The following RMDN2 variants were observed in gnomAD, a reference collection of about 807,000 sequenced individuals.
The protein encoded by RMDN2 is regulator of microtubule dynamics 2.
Under a neutral mutation model 52.8 loss-of-function variants are expected in RMDN2, and 61 were observed. The ratio of observed to expected loss-of-function variants is 1.16; its 90% CI spans 0.94 to 1.43. The LOEUF (loss-of-function observed/expected upper bound fraction) is 1.43, where lower values mean the gene tolerates loss of function less well. Among genes scored for constraint, RMDN2 ranks in the 40% most tolerant of loss-of-function variants. RMDN2 has a pLI of 0.00. For missense variants in RMDN2, 592 were observed against 475.3 expected (o/e 1.25, Z -2.28); for synonymous variants, 180 against 153.1 (o/e 1.18, Z -1.30).
At chr2:38,001,263 C>T (rs1380883209) in intron 8 of RMDN2, among the ~76,000 whole-genome samples, 1 of 152,236 alleles carries the variant, frequency 6.6e-6, no homozygotes, top group Non-Finnish European at 1.5e-5. Flanking sequence ...TTCCTACCTT[C>T]AGGGAACTTG....
chr2:37,981,329 A>G lies in RMDN2; in HGVS notation c.777A>G (p.Gly259=). ...ERAINRAPMN[G]HCHLWYAVLC... ...CTATTAATAGAGCACCCATGAATGGACATTGTCATCTGTGGTAAGTGTATA... is the reference window on the plus strand; with the variant it reads ...CTATTAATAGAGCACCCATGAATGGGCATTGTCATCTGTGGTAAGTGTATA... The change falls in exon 5 of 11, where the codon GGA becomes GGG. Residue 259 remains glycine, a synonymous_variant. Transcript: ENST00000354545. The G allele has an allele frequency of 6.2e-7, 1 of 1,606,356 alleles. No individual in the cohort carries two copies. Among genetic ancestry groups the G allele is most frequent in the South Asian group, 1.1e-5 (1 of 90,914 alleles).
downstream of RMDN2, among the ~76,000 whole-genome samples, chr2:38,019,657 C>T (rs1432995205): frequency 1.3e-5 from 2 of 152,138 alleles, no homozygotes; most frequent in Non-Finnish European, 2.9e-5. Context: ...TATCTGTATT[C>T]CTCATAAAGC....
intron 10 of RMDN2, chr2:38,030,517 T>C (rs1352352583): frequency 6.6e-6 from 1 of 152,224 alleles, no homozygotes; most frequent in Admixed American, 6.5e-5. Flanking sequence ...TGATGATGTT[T>C]ATTGCTTTAG....
At chr2:37,957,161 G>A (rs1054447365) in intron 2 of RMDN2, among the ~76,000 whole-genome samples, 3 of 152,038 alleles carry the variant, frequency 2.0e-5, no homozygotes, top group Non-Finnish European at 4.4e-5. Flanking sequence ...TAATCCTTTG[G>A]GTATATATCC....
intron 10 of RMDN2, chr2:38,029,905 A>C (rs1680059338): frequency 6.6e-6 from 1 of 152,228 alleles, no homozygotes; most frequent in Non-Finnish European, 1.5e-5. Flanking sequence ...GGTGGAAGGC[A>C]AAAGGCACGT....
chr2:38,025,793 C>T (rs776939890), intron 10 of RMDN2, among the ~76,000 whole-genome samples: 1 of 151,936 alleles, frequency 6.6e-6, no homozygotes, highest in Non-Finnish European at 1.5e-5. Flanking sequence ...GCCTTGCATT[C>T]CTGGGATAAA....
At chr2:38,023,492 A>AT (rs1558566023) in intron 10 of RMDN2, among the ~76,000 whole-genome samples, 1 of 152,078 alleles carries the variant, frequency 6.6e-6, no homozygotes, top group Non-Finnish European at 1.5e-5. Context: ...TGTATCTTTT[A>AT]TTTTTTTCAT....
At chr2:37,948,848 T>C (rs149997627) in intron 2 of RMDN2, among the ~76,000 whole-genome samples, 28 of 152,274 alleles carry the variant, frequency 1.8e-4, no homozygotes, top group African/African-American at 6.3e-4. Context: ...CTGACCTCTT[T>C]ATTACCTCGA....
At chr2:37,969,041 T>G (rs1671454404) in intron 2 of RMDN2, among the ~76,000 whole-genome samples, 1 of 152,002 alleles carries the variant, frequency 6.6e-6, no homozygotes, top group African/African-American at 2.4e-5. Flanking sequence ...CAGCTGGGTT[T>G]TTTTTTTTTT....
intron 10 of RMDN2, among the ~76,000 whole-genome samples, chr2:38,059,746 C>G (rs1681968044): frequency 6.6e-6 from 1 of 152,116 alleles, no homozygotes; most frequent in African/African-American, 2.4e-5. Flanking sequence ...AAGGTGCTGA[C>G]CTCTGCAGAG....
intron 10 of RMDN2, among the ~76,000 whole-genome samples, chr2:38,023,021 G>A (rs1166474063): frequency 2.0e-5 from 3 of 152,196 alleles, no homozygotes; most frequent in Non-Finnish European, 4.4e-5. Context: ...GTCTGATGTA[G>A]AATGGGGGCT....
intron 10 of RMDN2, among the ~76,000 whole-genome samples, chr2:38,024,608 C>T (rs1679639105): frequency 6.6e-6 from 1 of 152,042 alleles, no homozygotes; most frequent in Admixed American, 6.5e-5. Context: ...AAATATTTTG[C>T]CCATTATTTA....
chr2:38,025,024 G>C (rs1573158743), intron 10 of RMDN2, among the ~76,000 whole-genome samples: 1 of 152,024 alleles, frequency 6.6e-6, no homozygotes, highest in African/African-American at 2.4e-5. Context: ...ATTTCCATGT[G>C]AATTTTAGAA....
At chr2:38,016,385 A>G (rs904005488) in intron 10 of RMDN2, among the ~76,000 whole-genome samples, 1 of 152,362 alleles carries the variant, frequency 6.6e-6, no homozygotes, top group South Asian at 2.1e-4. Flanking sequence ...AATGTAATGA[A>G]TGTAGGAAAC....
intron 6 of RMDN2, among the ~76,000 whole-genome samples, chr2:37,990,141 T>TC: frequency 7.5e-6 from 1 of 133,302 alleles, no homozygotes; most frequent in East Asian, 2.3e-4. Context: ...AGACTCCGTC[T>TC]GAAAAAAAAA....
intron 2 of RMDN2, among the ~76,000 whole-genome samples, chr2:37,967,669 C>T (rs1283248475): frequency 6.6e-6 from 1 of 152,174 alleles, no homozygotes; most frequent in Non-Finnish European, 1.5e-5. Context: ...TATTCTTCTC[C>T]ACCATGATGA....
At chr2:37,993,713 C>G (rs1675126918) in intron 7 of RMDN2, among the ~76,000 whole-genome samples, 3 of 119,786 alleles carry the variant, frequency 2.5e-5, no homozygotes, top group African/African-American at 9.8e-5. Context: ...CAGAGAGCAG[C>G]TTGAAGACTG....
intron 10 of RMDN2, among the ~76,000 whole-genome samples, chr2:38,048,797 A>C (rs998787079): frequency 1.3e-5 from 2 of 152,238 alleles, no homozygotes; most frequent in African/African-American, 4.8e-5. Context: ...GAAGGGGTGG[A>C]GATTATTAGC....
chr2:38,064,328 A>G (rs1476287918), intron 10 of RMDN2, among the ~76,000 whole-genome samples: 1 of 152,076 alleles, frequency 6.6e-6, no homozygotes, highest in Admixed American at 6.6e-5. Context: ...CGTGTCTACT[A>G]AAAATACAAA....
Sources: gnomAD v4.1 joint callset for allele counts (sites outside exome capture counted in the v4.1 genomes callset) on GRCh38, gnomAD v4.1.1 for gene constraint, MANE v1.5 for transcripts, NCBI Gene and HGNC (gene_info 2026-07-23, HGNC 2026-07-21) for gene names.